Variants in PTPRD observed in about 807,000 individuals in gnomAD.
PTPRD encodes the protein receptor-type tyrosine-protein phosphatase delta.
A neutral mutation model predicts 214.5 loss-of-function variants in PTPRD; 34 were observed. The observed-to-expected ratio is 0.16, with a 90% confidence interval of 0.12 to 0.21. The LOEUF is 0.21. Among genes scored for constraint, PTPRD ranks in the 10% least tolerant of loss-of-function variants. The pLI, the probability that PTPRD is intolerant of heterozygous loss-of-function variation, is 1.00. For missense variants in PTPRD, 2,545 were observed against 2,398.7 expected, an observed-to-expected ratio of 1.06 and a Z score of -1.27; for synonymous variants, 1,128 against 845.7, an observed-to-expected ratio of 1.33 and a Z score of -5.79.
intron 7 of PTPRD, among the ~76,000 whole-genome samples, chr9:9,637,417 T>A (rs1394814291): frequency 6.6e-6 from 1 of 152,204 alleles, no homozygotes; most frequent in Non-Finnish European, 1.5e-5. Flanking sequence ...TACATTCCAA[T>A]TCCAAAAGGG....
intron 9 of PTPRD, among the ~76,000 whole-genome samples, chr9:9,275,163 AACATAT>A (rs1944910391): frequency 4.0e-5 from 2 of 50,284 alleles, no homozygotes; most frequent in East Asian, 7.7e-4. Flanking sequence ...TTATATATAT[AACATAT>A]ATATAATATA....
At chr9:9,799,279 T>C (rs543157681) in intron 5 of PTPRD, 1 of 152,186 alleles carries the variant, frequency 6.6e-6, no homozygotes, top group South Asian at 2.1e-4. Flanking sequence ...ATTAAAGATC[T>C]TACAGAGAGA....
chr9:8,914,924 C>T (rs1038790307), intron 11 of PTPRD, among the ~76,000 whole-genome samples: 14 of 152,096 alleles, frequency 9.2e-5, no homozygotes, highest in Admixed American at 6.6e-4. Context: ...CTTCTACCAT[C>T]CTGTCCTTAG....
chr9:10,525,512 T>C lies in PTPRD; in HGVS notation c.-600+86886A>G, dbSNP rs77970549. 5.5e-3 allele frequency among the ~76,000 whole-genome samples: 833 copies of C among 152,250 alleles called. 19 individuals are homozygous for C. In the East Asian group the frequency reaches 0.06, roughly 11 times the overall value. Reference sequence around the variant, plus strand: ...CAGGGCACAACCTAAACAACTGTAATTGATTTATAGTTTCTAATCACATAG... The same window carrying C: ...CAGGGCACAACCTAAACAACTGTAACTGATTTATAGTTTCTAATCACATAG... On this transcript the variant is annotated intron_variant, in intron 2 of 45. Transcript: ENST00000381196.
At chr9:10,356,312 T>C (rs1011601865) in intron 2 of PTPRD, among the ~76,000 whole-genome samples, 3 of 152,088 alleles carry the variant, frequency 2.0e-5, no homozygotes, top group Non-Finnish European at 2.9e-5. Context: ...ATGCCAAAGG[T>C]CAATCTGATG....
intron 10 of PTPRD, among the ~76,000 whole-genome samples, chr9:9,046,924 CA>C (rs1224803866): frequency 6.6e-6 from 1 of 151,118 alleles, no homozygotes; most frequent in Non-Finnish European, 1.5e-5. Context: ...CTAGAGCAAT[CA>C]GACAAGAGAA....
chr9:9,564,487 C>G (rs537841274), intron 8 of PTPRD, among the ~76,000 whole-genome samples: 1 of 151,992 alleles, frequency 6.6e-6, no homozygotes, highest in African/African-American at 2.4e-5. Flanking sequence ...CAACTAAATT[C>G]GAATTTCTTA....
intron 10 of PTPRD, among the ~76,000 whole-genome samples, chr9:9,175,630 A>ACAAACAAC (rs145486992): frequency 1.4e-5 from 2 of 141,706 alleles, no homozygotes; most frequent in Non-Finnish European, 3.0e-5. Flanking sequence ...CTCAAAAAAA[A>ACAAACAAC]AAAAAAAAAA....
chr9:10,375,383 A>G lies in PTPRD; in HGVS notation c.-599-34366T>C, dbSNP rs373153880. Among the ~76,000 whole-genome samples the G allele has an allele frequency of 2.0e-5, 3 of 152,064 alleles. No homozygotes were observed. In the East Asian group the frequency reaches 5.8e-4, roughly 29 times the overall value. Reference sequence around the variant, plus strand: ...CGTTATTATGTGCATTTCTGGTTCAATTTCCCAAGTTACAAGGTACCTTCA... The same window carrying G: ...CGTTATTATGTGCATTTCTGGTTCAGTTTCCCAAGTTACAAGGTACCTTCA... On this transcript the variant is annotated intron_variant, in intron 2 of 45. Transcript: ENST00000381196.
chr9:8,496,654 A>C (rs1305970960), intron 26 of PTPRD, among the ~76,000 whole-genome samples: 4 of 152,240 alleles, frequency 2.6e-5, no homozygotes, highest in Non-Finnish European at 5.9e-5. Flanking sequence ...AGAGTTAATC[A>C]GTGCCAGATC....
rs1015693427 is a variant in PTPRD, at chr9:10,141,356, T to C, written c.-544-107566A>G. 9.1e-4 allele frequency among the ~76,000 whole-genome samples: 138 copies of C among 152,138 alleles called. 1 individual carries two copies. The highest frequency in any genetic ancestry group is 3.1e-3 in the African/African-American group (129 of 41,520). ...TGATTGTATATCTAGAAAACCCCAT[T>C]GTCTCAGCCCAAAATCTCCTTAAGC... is the stretch of plus-strand genomic sequence containing the variant. On this transcript the variant is annotated intron_variant, in intron 3 of 45. Transcript: ENST00000381196.
intron 9 of PTPRD, among the ~76,000 whole-genome samples, chr9:9,305,630 A>G (rs947368026): frequency 3.3e-5 from 5 of 152,128 alleles, no homozygotes. Flanking sequence ...TGTCATTTGG[A>G]AATGGAGTCA....
intron 35 of PTPRD, among the ~76,000 whole-genome samples, chr9:8,411,402 C>G (rs2093509993): frequency 6.6e-6 from 1 of 152,074 alleles, no homozygotes; most frequent in Admixed American, 6.6e-5. Context: ...CTCCCGGGTT[C>G]AAGCAATTCT....
intron 36 of PTPRD, among the ~76,000 whole-genome samples, chr9:8,391,638 G>C (rs1240528035): frequency 2.6e-5 from 4 of 152,108 alleles, no homozygotes; most frequent in East Asian, 1.9e-4. Context: ...CAACATTAAA[G>C]AATTGATAAA....
rs1156386306 is a variant in PTPRD, at chr9:10,400,389, A to AT, written c.-599-59373dup. 3.3e-5 allele frequency among the ~76,000 whole-genome samples: 5 copies of AT among 151,706 alleles called. No individual in the cohort carries two copies. The East Asian group carries it at 5.8e-4, about 18-fold the overall frequency. ...GTACTTTAAATTTTAAAATAAATACATTTTTTCATGTAATTAGTTGACTTA... is the reference window on the plus strand; with the variant it reads ...GTACTTTAAATTTTAAAATAAATACATTTTTTTCATGTAATTAGTTGACTTA... On this transcript the variant is annotated intron_variant, in intron 2 of 45. Transcript: ENST00000381196.
At chr9:9,358,934 A>G (rs1355603332) in intron 9 of PTPRD, among the ~76,000 whole-genome samples, 1 of 151,306 alleles carries the variant, frequency 6.6e-6, no homozygotes, top group Non-Finnish European at 1.5e-5. Context: ...TTAACCTACA[A>G]GCTGTTTGGG....
chr9:9,176,861 C>T (rs1280225365), intron 10 of PTPRD, among the ~76,000 whole-genome samples: 3 of 152,074 alleles, frequency 2.0e-5, no homozygotes, highest in Non-Finnish European at 4.4e-5. Flanking sequence ...ATAAATTACT[C>T]ATGCGGGGGT....
At chr9:8,773,316 G>C (rs2095316052) in intron 11 of PTPRD, among the ~76,000 whole-genome samples, 1 of 152,106 alleles carries the variant, frequency 6.6e-6, no homozygotes, top group South Asian at 2.1e-4. Flanking sequence ...AGCTGCCTTA[G>C]CCTACCCAGA....
chr9:9,852,096 G>A (rs1390065051), intron 5 of PTPRD, among the ~76,000 whole-genome samples: 1 of 151,958 alleles, frequency 6.6e-6, no homozygotes, highest in Non-Finnish European at 1.5e-5. Flanking sequence ...AACAAGGGAA[G>A]ATCGATGCAT....
Sources: gnomAD v4.1 joint callset for allele counts (sites outside exome capture counted in the v4.1 genomes callset) on GRCh38, gnomAD v4.1.1 for gene constraint, MANE v1.5 for transcripts, NCBI Gene and HGNC (gene_info 2026-07-23, HGNC 2026-07-21) for gene names.